The following STAT3 variants were observed in gnomAD, a reference collection of about 807,000 sequenced individuals.
STAT3 encodes DNA-binding protein APRF.
Under a neutral mutation model 114.3 loss-of-function variants are expected in STAT3, and 7 were observed. The observed-to-expected ratio is 0.06, with a 90% CI of 0.03 to 0.11. STAT3 has a LOEUF of 0.11. STAT3 is among the 10% of genes least tolerant of loss of function. The probability of loss-of-function intolerance (pLI) is 1.00; values close to 1 mark genes in which losing one functional copy is unlikely to be tolerated. For missense variants in STAT3, 364 were observed against 960.9 expected (o/e 0.38, Z 8.21); for synonymous variants, 331 against 354.5 (o/e 0.93, Z 0.74).
chr17:42,387,942 C>T (rs2085203345), intron 1 of STAT3: 1 of 244,138 alleles, frequency 4.1e-6, no homozygotes, highest in Non-Finnish European at 7.8e-6. Context: ...CTCCGGTGGC[C>T]GGAACGTCCC....
chr17:42,317,008 T>TC, intron 22 of STAT3, 107 bp from the exon 23 acceptor site: 1 of 1,559,214 alleles, frequency 6.4e-7, no homozygotes, highest in Non-Finnish European at 8.7e-7. Context: ...AACTCTGGTC[T>TC]CCAACAGAAA....
At chr17:42,386,280 CAAAAA>C (rs61454571) in intron 1 of STAT3, among the ~76,000 whole-genome samples, 1 of 106,204 alleles carries the variant, frequency 9.4e-6, no homozygotes, top group Non-Finnish European at 2.0e-5. Context: ...GACTCTGACT[CAAAAA>C]AAAAAAAAAA....
At chr17:42,321,431 A>G (rs1278129801) in intron 21 of STAT3, among the ~76,000 whole-genome samples, 1 of 152,092 alleles carries the variant, frequency 6.6e-6, no homozygotes, top group Non-Finnish European at 1.5e-5. Flanking sequence ...AGCTAAAATA[A>G]TTTATATATA....
At chr17:42,348,270 C>T in intron 2 of STAT3, 119 bp downstream of exon 2, 1 of 1,428,228 alleles carries the variant, frequency 7.0e-7, no homozygotes, top group South Asian at 1.2e-5. Flanking sequence ...ATCTCATTTT[C>T]CCCATCACCT....
chr17:42,388,299 G>C lies in STAT3; in HGVS notation c.-44C>G. 1 of 1,231,624 alleles carries C rather than the reference G, an allele frequency of 8.1e-7. No homozygotes were observed. Among genetic ancestry groups the C allele is most frequent in the Non-Finnish European group, 1.0e-6 (1 of 988,012 alleles). 76.3% of individuals were successfully genotyped at this position (1,231,624 alleles called of 1,614,324 possible). On this transcript the variant is annotated 5_prime_UTR_variant, in exon 1 of 24. Transcript: ENST00000264657. ...TTCACCTGTTTCTCCGGCAGAGGCC[G>C]AGAGGCCGGGGCTGCGCGTGTGCCG...
intron 1 of STAT3, among the ~76,000 whole-genome samples, chr17:42,350,578 C>T (rs1056561667): frequency 2.0e-5 from 3 of 152,158 alleles, no homozygotes; most frequent in Admixed American, 6.5e-5. Context: ...TAAGCTACCA[C>T]GCCTGGCCTG....
chr17:42,349,785 A>C (rs758550153), intron 1 of STAT3, among the ~76,000 whole-genome samples: 4 of 152,226 alleles, frequency 2.6e-5, no homozygotes, highest in Non-Finnish European at 2.9e-5. Flanking sequence ...GGCCAGGCGC[A>C]GTGGCTTACG....
chr17:42,351,129 CAAAAAAAA>C (rs139529559), intron 1 of STAT3, among the ~76,000 whole-genome samples: 1 of 77,274 alleles, frequency 1.3e-5, no homozygotes, highest in Non-Finnish European at 2.9e-5. Flanking sequence ...GACTCCATCT[CAAAAAAAA>C]AAAAAAAAAA....
Position 42,313,842 on chromosome 17 carries a change from G to A in STAT3, c.*1903C>T, listed in dbSNP as rs2081160761. 4.3e-6 allele frequency: 1 copy of A among 232,868 alleles called. No homozygotes were observed. Among genetic ancestry groups the A allele is most frequent in the South Asian group, 1.8e-4 (1 of 5,526 alleles). 14.4% of individuals were successfully genotyped at this position (232,868 alleles called of 1,614,324 possible). A position where few individuals can be genotyped will look rare whatever the true frequency, so the allele number is the denominator to read the frequency against. ...TGCTGGAGAAGTAAGAGCTCTGCAT[G>A]ACACATCAACTGTCTCCAGGCAGGA... On this transcript the variant is annotated 3_prime_UTR_variant, in exon 24 of 24. Coordinates refer to ENST00000264657, the MANE Select transcript of STAT3 (RefSeq NM_139276.3).
chr17:42,322,899 C>G, intron 20 of STAT3, 105 bp downstream of exon 20: 1 of 1,541,764 alleles, frequency 6.5e-7, no homozygotes, highest in Non-Finnish European at 8.9e-7. Context: ...AACAGGGAGT[C>G]AAGGCCATCT....
chr17:42,364,774 C>T (rs1400610926), intron 1 of STAT3, among the ~76,000 whole-genome samples: 1 of 152,162 alleles, frequency 6.6e-6, no homozygotes. Flanking sequence ...TGAGCCACTG[C>T]GCCTGGCCAA....
intron 15 of STAT3, among the ~76,000 whole-genome samples, chr17:42,325,491 G>C (rs761679263): frequency 2.4e-4 from 36 of 152,078 alleles, no homozygotes; most frequent in Non-Finnish European, 4.4e-4. Flanking sequence ...GAATGTCATT[G>C]CCACAATTTT....
Position 42,339,414 on chromosome 17 carries a change from CA to C in STAT3, c.373-6del, listed in dbSNP as rs1166697181. The C allele has an allele frequency of 6.2e-7, 1 of 1,613,920 alleles. No individual in the cohort carries two copies. Among genetic ancestry groups the C allele is most frequent in the Non-Finnish European group, 8.5e-7 (1 of 1,179,922 alleles). ...GTGGTTGGCCTGGCCCCCTTGCTGC[CA>C]AAAAGGAGGTCAATGCACATGTGAA... On this transcript the variant is annotated splice_region_variant and splice_polypyrimidine_tract_variant and intron_variant, in intron 4 of 23. Transcript: ENST00000264657.
intron 18 of STAT3, 43 bp from the exon 19 acceptor site, chr17:42,323,397 C>T (rs763390225): frequency 6.2e-7 from 1 of 1,606,362 alleles, no homozygotes; most frequent in Admixed American, 1.7e-5. Context: ...ACTGCCATCC[C>T]AGCCCTTCCC....
At chr17:42,351,555 ACT>A (rs2082959299) in intron 1 of STAT3, among the ~76,000 whole-genome samples, 1 of 151,122 alleles carries the variant, frequency 6.6e-6, no homozygotes, top group African/African-American at 2.4e-5. Flanking sequence ...GATACTTTAC[ACT>A]CTTTTTTTTG....
At chr17:42,377,266 G>T (rs1016122028) in intron 1 of STAT3, among the ~76,000 whole-genome samples, 1 of 152,088 alleles carries the variant, frequency 6.6e-6, no homozygotes, top group Admixed American at 6.6e-5. Context: ...TTTTGAGACA[G>T]AATCTTGCTC....
chr17:42,361,924 G>T (rs773773102), intron 1 of STAT3, among the ~76,000 whole-genome samples: 3 of 152,204 alleles, frequency 2.0e-5, no homozygotes, highest in Admixed American at 2.0e-4. Flanking sequence ...TAGCAGCATT[G>T]TAAGTGTTTT....
chr17:42,346,474 C>T, intron 3 of STAT3, 95 bp downstream of exon 3: 1 of 1,567,188 alleles, frequency 6.4e-7, no homozygotes, highest in Non-Finnish European at 8.7e-7. Context: ...ATTCTCGTTA[C>T]TTAGCCAAAT....
rs148563417 is a variant in STAT3, at chr17:42,379,253, A to G, written c.-24+9026T>C. Among the ~76,000 whole-genome samples, 499 of 152,232 alleles carry G rather than the reference A, an allele frequency of 3.3e-3. 3 individuals carry two copies. The highest frequency in any genetic ancestry group is 0.011 in the African/African-American group (468 of 41,548). On this transcript the variant is annotated intron_variant, in intron 1 of 23. Coordinates refer to ENST00000264657, the MANE Select transcript of STAT3 (RefSeq NM_139276.3). ...CTGCTGGCTTCTTCCTGCCCCGCATACGGCCAGGAAAAAAGAAAAGCACTG... is the reference window on the plus strand; with the variant it reads ...CTGCTGGCTTCTTCCTGCCCCGCATGCGGCCAGGAAAAAAGAAAAGCACTG...
Sources: allele counts gnomAD v4.1 joint callset (sites outside exome capture counted in the v4.1 genomes callset), GRCh38; gene constraint gnomAD v4.1.1; transcripts MANE v1.5; gene names NCBI Gene and HGNC (gene_info 2026-07-23, HGNC 2026-07-21).